Variants in KCTD5 observed in about 807,000 individuals in gnomAD.
KCTD5 encodes the protein BTB/POZ domain-containing protein KCTD5.
KCTD5 carries 12 observed loss-of-function variants against 27.9 expected under a neutral mutation model. The ratio of observed to expected loss-of-function variants is 0.43; its 90% CI spans 0.28 to 0.70. KCTD5 has a LOEUF of 0.70. Among genes scored for constraint, KCTD5 ranks in the 30% least tolerant of loss-of-function variants. The pLI is 0.19. For synonymous variants in KCTD5, 147 were observed against 121.4 expected (o/e 1.21, Z -1.39); for missense variants, 226 against 274.8 (o/e 0.82, Z 1.26).
intron 5 of KCTD5, among the ~76,000 whole-genome samples, chr16:2,704,124 G>A (rs531219435): frequency 6.6e-6 from 1 of 152,368 alleles, no homozygotes; most frequent in East Asian, 1.9e-4. Context: ...GGTTGAGAAT[G>A]TGGCCCTATT....
intron 5 of KCTD5, 60 bp from the exon 6 acceptor site, chr16:2,707,238 G>A (rs764167230): frequency 5.8e-5 from 90 of 1,546,062 alleles, no homozygotes; most frequent in Middle Eastern, 3.4e-4. Context: ...TGGAGCAGGC[G>A]CCTGGTCAGG....
In KCTD5 at chr16:2,682,737, C is replaced by T. The variant is rs199512646; in HGVS notation, c.189C>T (p.Cys63=). 1 of 1,610,834 alleles carries T rather than the reference C, an allele frequency of 6.2e-7. No homozygotes were observed. Among genetic ancestry groups the T allele is most frequent in the Middle Eastern group, 1.7e-4 (1 of 6,060 alleles). ...TYFLTTRQTL[C]RDPKSFLYRL... is the part of the protein sequence containing the mutation. ...TCCTCACCACTCGGCAGACCCTGTG[C>T]CGGGACCCGAAATCCTTCCTGTACC... The change falls in exon 1 of 6, where the codon TGC becomes TGT. Residue 63 remains cysteine, a synonymous_variant. Coordinates refer to ENST00000301738, the MANE Select transcript of KCTD5 (RefSeq NM_018992.4).
chr16:2,698,035 G>A (rs376625532), intron 3 of KCTD5, 38 bp downstream of exon 3: 1 of 1,481,808 alleles, frequency 6.7e-7, no homozygotes, highest in Non-Finnish European at 9.4e-7. Flanking sequence ...TTGTATGGCT[G>A]GTGTGAAGGA....
At chr16:2,691,008 G>C (rs1179029228) in intron 1 of KCTD5, among the ~76,000 whole-genome samples, 1 of 152,214 alleles carries the variant, frequency 6.6e-6, no homozygotes, top group African/African-American at 2.4e-5. Flanking sequence ...GTCTGGGCCT[G>C]GGCTGGCACC....
Position 2,691,590 on chromosome 16 carries a change from C to G in KCTD5, c.253-4345C>G, listed in dbSNP as rs114733008. ...GCATGGGCCCAGAGGTCGTGGGGCT[C>G]AGAGAATTGAACCACGTGGGAGGAG... On this transcript the variant is annotated intron_variant, in intron 1 of 5. Transcript: ENST00000301738. 9.9e-3 allele frequency among the ~76,000 whole-genome samples: 1,503 copies of G among 152,234 alleles called. 22 individuals carry two copies. The highest frequency in any genetic ancestry group is 0.035 in the African/African-American group (1,437 of 41,544).
intron 3 of KCTD5, among the ~76,000 whole-genome samples, chr16:2,698,911 C>T (rs1017232764): frequency 2.0e-5 from 3 of 152,208 alleles, no homozygotes; most frequent in Admixed American, 6.5e-5. Context: ...GTGGGCACTC[C>T]CTGCCTCAGT....
At chr16:2,697,637 A>G (rs1002288893) in intron 2 of KCTD5, among the ~76,000 whole-genome samples, 1 of 152,210 alleles carries the variant, frequency 6.6e-6, no homozygotes, top group Non-Finnish European at 1.5e-5. Flanking sequence ...ACTGGAGGTC[A>G]CTCAAGGTTA....
chr16:2,703,866 G>C (rs73494261), intron 5 of KCTD5, among the ~76,000 whole-genome samples: 1 of 152,144 alleles, frequency 6.6e-6, no homozygotes, highest in African/African-American at 2.4e-5. Flanking sequence ...TTTGAGTCTC[G>C]GATCTAGGAG....
intron 1 of KCTD5, among the ~76,000 whole-genome samples, chr16:2,684,988 G>A (rs969713996): frequency 1.1e-4 from 17 of 152,122 alleles, no homozygotes; most frequent in African/African-American, 2.9e-4. Context: ...TGAGCGAGGG[G>A]TAATTAATCT....
chr16:2,707,057 T>C (rs995950168), intron 5 of KCTD5, among the ~76,000 whole-genome samples: 4 of 151,580 alleles, frequency 2.6e-5, no homozygotes, highest in South Asian at 2.1e-4. Context: ...TTTGGGTGGG[T>C]CTGGGAGGGG....
At chr16:2,685,985 C>T (rs2067538555) in intron 1 of KCTD5, 1 of 151,098 alleles carries the variant, frequency 6.6e-6, no homozygotes, top group African/African-American at 2.4e-5. Flanking sequence ...TGGGAGAGCA[C>T]CCTGCTAAAG....
At chr16:2,688,313 T>C (rs1487579756) in intron 1 of KCTD5, among the ~76,000 whole-genome samples, 2 of 150,872 alleles carry the variant, frequency 1.3e-5, no homozygotes, top group African/African-American at 2.4e-5. Flanking sequence ...TGTGGTGGGG[T>C]GATCTCGGCT....
At position 2,702,418 on chromosome 16, in the gene KCTD5, G is replaced by A. The variant is rs1010110275; in HGVS notation, c.615G>A (p.Val205=). The A allele has an allele frequency of 8.1e-6, 13 of 1,613,388 alleles. No homozygotes were observed. Among genetic ancestry groups the A allele is most frequent in the Non-Finnish European group, 1.0e-5 (12 of 1,179,990 alleles). Residue 205 remains valine, a synonymous_variant, in exon 5 of 6, where the codon GTG becomes GTA. Coordinates refer to ENST00000301738, the MANE Select transcript of KCTD5 (RefSeq NM_018992.4). ...ACCAAGCCGAGTTCCTCTGTGTGGT[G>A]TCCAAGGAGCTGCACAACACCCCGT... ...NEDQAEFLCV[V]SKELHNTPYG...
chr16:2,696,793 G>T (rs1286243836), intron 2 of KCTD5, among the ~76,000 whole-genome samples: 1 of 152,238 alleles, frequency 6.6e-6, no homozygotes. Context: ...GTGGAGTGAC[G>T]GGGGCTGTGG....
chr16:2,691,552 C>T (rs1353002879), intron 1 of KCTD5, among the ~76,000 whole-genome samples: 1 of 152,202 alleles, frequency 6.6e-6, no homozygotes, highest in Non-Finnish European at 1.5e-5. Flanking sequence ...TCCACGCAGC[C>T]TGGGTAGGTC....
rs759993139 is a variant in KCTD5 at position 2,702,460 on chromosome 16, G to A, written c.657G>A (p.Glu219=). The A allele has an allele frequency of 2.5e-6, 4 of 1,613,172 alleles. No individual in the cohort carries two copies. Among genetic ancestry groups the A allele is most frequent in the South Asian group, 1.1e-5 (1 of 91,072 alleles). Residue 219 remains glutamate (E), a synonymous_variant, in exon 5 of 6, where the codon GAG becomes GAA. Transcript: ENST00000301738. ...ACACCCCGTACGGTACGGCCAGCGA[G>A]CCCAGCGAGAAGGCCAAGGTGAGTG... ...LHNTPYGTAS[E]PSEKAKILQE...
At chr16:2,706,358 G>A (rs933875123) in intron 5 of KCTD5, among the ~76,000 whole-genome samples, 4 of 152,192 alleles carry the variant, frequency 2.6e-5, no homozygotes, top group East Asian at 1.9e-4. Context: ...GGGCGTGGGC[G>A]TTGCTGCCCT....
At chr16:2,704,384 T>TC (rs1179089331) in intron 5 of KCTD5, among the ~76,000 whole-genome samples, 1 of 151,618 alleles carries the variant, frequency 6.6e-6, no homozygotes, top group Non-Finnish European at 1.5e-5. Flanking sequence ...TGGGCAGCTG[T>TC]CCCCCACTTC....
rs114831978 is a variant in KCTD5, at chr16:2,704,133, T to C, written c.675+1655T>C. Among the ~76,000 whole-genome samples, 1,290 of 152,312 alleles carry C rather than the reference T, an allele frequency of 8.5e-3. 20 individuals carry two copies. Among genetic ancestry groups the C allele is most frequent in the African/African-American group, 0.03 (1,232 of 41,578 alleles). On this transcript the variant is annotated intron_variant, in intron 5 of 5. Coordinates refer to ENST00000301738, the MANE Select transcript of KCTD5 (RefSeq NM_018992.4). ...CTTTGTGGTTGAGAATGTGGCCCTA[T>C]TTCATTTTCCAAAAATACCTGCTCT...
Sources: allele counts gnomAD v4.1 joint callset (sites outside exome capture counted in the v4.1 genomes callset), GRCh38; gene constraint gnomAD v4.1.1; transcripts MANE v1.5; gene names NCBI Gene and HGNC (gene_info 2026-07-23, HGNC 2026-07-21).